Variants in CHCHD3 observed in about 807,000 individuals in gnomAD.
The protein encoded by CHCHD3 is coiled-coil-helix-coiled-coil-helix domain containing 3.
Under a neutral mutation model 38.2 loss-of-function variants are expected in CHCHD3, and 20 were observed. The observed-to-expected ratio is 0.52, with a 90% CI of 0.37 to 0.76. The LOEUF (loss-of-function observed/expected upper bound fraction) is 0.76, where lower values mean the gene tolerates loss of function less well. Ranked by LOEUF, CHCHD3 falls within the 30% of genes least tolerant of loss-of-function variation. The probability of loss-of-function intolerance (pLI) is 0.00; values close to 1 mark genes in which losing one functional copy is unlikely to be tolerated. For missense variants in CHCHD3, 245 were observed against 279.2 expected, an observed-to-expected ratio of 0.88 and a Z score of 0.87; for synonymous variants, 82 against 100.0, an observed-to-expected ratio of 0.82 and a Z score of 1.07.
At chr7:132,884,392 T>C (rs368716463) in intron 5 of CHCHD3, among the ~76,000 whole-genome samples, 2 of 152,312 alleles carry the variant, frequency 1.3e-5, no homozygotes, top group South Asian at 4.1e-4. Flanking sequence ...TTTAATTGAA[T>C]TTAAGCTCCA....
At chr7:132,813,676 AGCT>A (rs1807131199) in intron 6 of CHCHD3, 1 of 152,196 alleles carries the variant, frequency 6.6e-6, no homozygotes. Flanking sequence ...AAGAAAAATG[AGCT>A]GCTATTTTCA....
intron 5 of CHCHD3, among the ~76,000 whole-genome samples, chr7:132,860,189 A>G (rs1002701671): frequency 6.6e-6 from 1 of 152,026 alleles, no homozygotes; most frequent in Non-Finnish European, 1.5e-5. Context: ...AAGAAGATCA[A>G]TTGAGCCCAG....
intron 4 of CHCHD3, among the ~76,000 whole-genome samples, chr7:132,936,266 A>G (rs1810630737): frequency 6.6e-6 from 1 of 152,226 alleles, no homozygotes; most frequent in East Asian, 1.9e-4. Context: ...TTTCAATGAT[A>G]AAGTACTAAA....
intron 4 of CHCHD3, among the ~76,000 whole-genome samples, chr7:132,958,778 T>C (rs892472918): frequency 6.6e-6 from 1 of 152,236 alleles, no homozygotes; most frequent in African/African-American, 2.4e-5. Context: ...TGTCTTACTA[T>C]AATCTGTGAG....
chr7:133,057,201 T>C (rs1354470353), intron 2 of CHCHD3, among the ~76,000 whole-genome samples: 2 of 152,196 alleles, frequency 1.3e-5, no homozygotes, highest in African/African-American at 2.4e-5. Context: ...TTTGTTCAAC[T>C]AAAAGAATTT....
intron 6 of CHCHD3, among the ~76,000 whole-genome samples, chr7:132,827,449 C>T (rs947986846): frequency 6.6e-6 from 1 of 152,176 alleles, no homozygotes; most frequent in African/African-American, 2.4e-5. Context: ...CTGCCTTTGA[C>T]TGTGACCTGT....
chr7:133,055,639 A>C (rs1290873492), intron 2 of CHCHD3, among the ~76,000 whole-genome samples: 3 of 148,522 alleles, frequency 2.0e-5, no homozygotes, highest in Non-Finnish European at 3.0e-5. Flanking sequence ...ACATTTAATT[A>C]TATTATAGTT....
At chr7:132,839,686 C>T (rs1411008515) in intron 5 of CHCHD3, among the ~76,000 whole-genome samples, 3 of 152,166 alleles carry the variant, frequency 2.0e-5, no homozygotes, top group African/African-American at 7.2e-5. Flanking sequence ...ACACCAGTGA[C>T]CCCTTTGCAT....
At chr7:132,898,229 G>A (rs1444864954) in intron 4 of CHCHD3, among the ~76,000 whole-genome samples, 1 of 152,142 alleles carries the variant, frequency 6.6e-6, no homozygotes, top group Admixed American at 6.5e-5. Context: ...GGACCCGAGC[G>A]GGTTGCCACT....
chr7:132,941,649 T>C (rs1401713452), intron 4 of CHCHD3, among the ~76,000 whole-genome samples: 1 of 152,176 alleles, frequency 6.6e-6, no homozygotes, highest in African/African-American at 2.4e-5. Flanking sequence ...CGTTGGGTTT[T>C]AATACCATCA....
intron 2 of CHCHD3, among the ~76,000 whole-genome samples, chr7:133,050,340 TAAAAAAAAAAAAAAAAAAAAA>T (rs35635002): frequency 8.5e-4 from 27 of 31,812 alleles, no homozygotes; most frequent in Non-Finnish European, 1.4e-3. Context: ...GGCTGTGTCT[TAAAAAAAAAAAAAAAAAAAAA>T]AAAAAAAAAA....
intron 6 of CHCHD3, among the ~76,000 whole-genome samples, chr7:132,801,444 C>T (rs1490831065): frequency 1.3e-5 from 2 of 152,180 alleles, no homozygotes; most frequent in Non-Finnish European, 2.9e-5. Context: ...CAAACAGCTC[C>T]AAAAGCTGCC....
At chr7:132,905,798 A>T (rs184797889) in intron 4 of CHCHD3, among the ~76,000 whole-genome samples, 35 of 152,336 alleles carry the variant, frequency 2.3e-4, no homozygotes, top group Admixed American at 1.6e-3. Context: ...TCTAAGATGC[A>T]ATTCCTCTCC....
intron 4 of CHCHD3, among the ~76,000 whole-genome samples, chr7:132,924,379 C>T (rs115884373): frequency 6.6e-6 from 1 of 152,008 alleles, no homozygotes; most frequent in Non-Finnish European, 1.5e-5. Context: ...AAAAAAAGCT[C>T]GATTATTTTT....
In CHCHD3 at chr7:133,081,893, G is replaced by T; in HGVS notation, c.45C>A (p.Asp15Glu). Residue 15 changes from aspartate (D) to glutamate (E), a missense_variant, in exon 1 of 8, where the codon GAC becomes GAA. By Grantham distance (45) the Asp-to-Glu change is conservative. Coordinates refer to ENST00000262570, the MANE Select transcript of CHCHD3 (RefSeq NM_017812.4). ...TSTRRVTFEA[D>E]ENENITVVKG... ...TCACCACGGTGATGTTCTCATTCTC[G>T]TCCGCCTCGAAGGTGACCCGGCGGG... is the stretch of plus-strand genomic sequence containing the variant. 1 of 1,559,446 alleles carries T rather than the reference G, an allele frequency of 6.4e-7. No individual in the cohort carries two copies. The highest frequency in any genetic ancestry group is 8.7e-7 in the Non-Finnish European group (1 of 1,151,154).
intron 6 of CHCHD3, among the ~76,000 whole-genome samples, chr7:132,814,100 G>C: frequency 6.6e-6 from 1 of 152,264 alleles, no homozygotes; most frequent in Middle Eastern, 3.4e-3. Flanking sequence ...GCAAAATCTC[G>C]CCTAAGACAA....
chr7:132,985,191 A>C (rs1387252968), intron 3 of CHCHD3, among the ~76,000 whole-genome samples: 2 of 35,718 alleles, frequency 5.6e-5, no homozygotes, highest in East Asian at 1.5e-3. Flanking sequence ...CCCCGTCCGG[A>C]AGGGAGGTGG....
chr7:133,004,556 T>C (rs1250938182), intron 3 of CHCHD3, among the ~76,000 whole-genome samples: 1 of 152,230 alleles, frequency 6.6e-6, no homozygotes, highest in Non-Finnish European at 1.5e-5. Flanking sequence ...GAAACTCAGC[T>C]TTCTGAGAGG....
intron 2 of CHCHD3, among the ~76,000 whole-genome samples, chr7:133,046,336 T>G (rs1239547582): frequency 2.0e-5 from 3 of 152,188 alleles, no homozygotes; most frequent in African/African-American, 7.2e-5. Flanking sequence ...CCTAGTAGTA[T>G]TAGCCACAGT....
Sources: allele counts gnomAD v4.1 joint callset (sites outside exome capture counted in the v4.1 genomes callset), GRCh38; gene constraint gnomAD v4.1.1; transcripts MANE v1.5; gene names NCBI Gene and HGNC (gene_info 2026-07-23, HGNC 2026-07-21).